The following SNIP1 variants were observed in gnomAD, a reference collection of about 807,000 sequenced individuals.
SNIP1 encodes the protein Smad nuclear interacting protein 1, also known as smad nuclear-interacting protein 1.
Under a neutral mutation model 37.4 loss-of-function variants are expected in SNIP1, and 23 were observed. That is an observed-to-expected ratio of 0.61 (90% CI 0.44 to 0.87). SNIP1 has a LOEUF of 0.87. SNIP1 is among the 40% of genes least tolerant of loss of function. SNIP1 has a pLI of 0.00. For missense variants in SNIP1, 459 were observed against 540.4 expected (o/e 0.85, Z 1.49); for synonymous variants, 174 against 200.0 (o/e 0.87, Z 1.10).
intron 2 of SNIP1, among the ~76,000 whole-genome samples, chr1:37,551,391 T>A (rs981977383): frequency 1.3e-5 from 2 of 152,002 alleles, no homozygotes; most frequent in Non-Finnish European, 2.9e-5. Context: ...GGAAACCGGA[T>A]CATTCATACA....
Position 37,540,931 on chromosome 1 carries a change from G to T in SNIP1, c.328-176C>A. 1 of 593,090 alleles carries T rather than the reference G, an allele frequency of 1.7e-6. No homozygotes were observed. Among genetic ancestry groups the T allele is most frequent in the Non-Finnish European group, 2.9e-6 (1 of 346,068 alleles). The allele number at this position is 593,090 out of a possible 1,614,324, so 36.7% of individuals were successfully genotyped here. A position where few individuals can be genotyped will look rare whatever the true frequency, so the allele number is the denominator to read the frequency against. On this transcript the variant is annotated intron_variant, in intron 2 of 3. Coordinates refer to ENST00000296215, the MANE Select transcript of SNIP1 (RefSeq NM_024700.4). This position sits in a 1 kb window ranked among gnomAD's most constrained non-coding sequence, Gnocchi z 5.6. ...TCTGGTGGTTATGTTCCCTCGCAAG[G>T]CCACAAAGATGATATCCCATGCTGC...
chr1:37,538,034 C>G, intron 3 of SNIP1, 22 bp from the exon 4 acceptor site: 1 of 1,564,598 alleles, frequency 6.4e-7, no homozygotes, highest in African/African-American at 1.4e-5. Context: ...AAAGGAGAAA[C>G]CTGTGAGCAA....
intron 2 of SNIP1, chr1:37,544,640 C>T (rs981695847): frequency 2.1e-6 from 1 of 481,400 alleles, no homozygotes; most frequent in Non-Finnish European, 3.9e-6. Context: ...GTACCCCACT[C>T]CGGCTGGCCG....
intron 2 of SNIP1, among the ~76,000 whole-genome samples, chr1:37,551,408 G>C (rs1643300735): frequency 6.6e-6 from 1 of 152,200 alleles, no homozygotes. Flanking sequence ...TACATTGCTG[G>C]TGGGAATATA....
At position 37,540,982 on chromosome 1, in the gene SNIP1, A is replaced by C; in HGVS notation, c.328-227T>G. The C allele has an allele frequency of 2.2e-6, 1 of 459,110 alleles. No homozygotes were observed. The highest frequency in any genetic ancestry group is 4.9e-5 in the South Asian group (1 of 20,568). 28.4% of individuals were successfully genotyped at this position (459,110 alleles called of 1,614,324 possible). A position where few individuals can be genotyped will look rare whatever the true frequency, so the allele number is the denominator to read the frequency against. ...TATTCAACTATAGCCCTAATAGCAC[A>C]AGTCCAGGTCCACAGCCCTAAAAAC... On this transcript the variant is annotated intron_variant, in intron 2 of 3. Transcript: ENST00000296215. This position sits in a 1 kb window ranked among gnomAD's most constrained non-coding sequence, Gnocchi z 5.6.
rs377334557 is a variant in SNIP1, at chr1:37,550,049, A to AAAAAC, written c.327+2591_327+2595dup. On this transcript the variant is annotated intron_variant, in intron 2 of 3. Transcript: ENST00000296215. ...GTGGACATTCATAGGCAAAAAAAAC[A>AAAAAC]AAAACAAAACAAAACAAAACAAAAC... Among the ~76,000 whole-genome samples the AAAAAC allele has an allele frequency of 4.7e-3, 713 of 152,128 alleles. 4 individuals are homozygous for AAAAAC. Among genetic ancestry groups the AAAAAC allele is most frequent in the Non-Finnish European group, 6.2e-3 (422 of 67,978 alleles).
intron 2 of SNIP1, 57 bp downstream of exon 2, chr1:37,552,588 G>A: frequency 2.2e-6 from 3 of 1,362,724 alleles, no homozygotes; most frequent in Non-Finnish European, 3.2e-6. Context: ...TTCCTCTTTA[G>A]CTGTGATAGG....
chr1:37,554,039 C>A lies in SNIP1; in HGVS notation c.191G>T (p.Gly64Val). 6.3e-7 allele frequency: 1 copy of A among 1,581,266 alleles called. No individual in the cohort carries two copies. The highest frequency in any genetic ancestry group is 8.6e-7 in the Non-Finnish European group (1 of 1,164,164). ...TCCTCGGGCTCGGTTCCCGCGGTGG[C>A]CCGAGCGGGCCGGCTCGCTGGTCGG... ...SPPTSEPARSGHRGNRARGVS... is the reference protein window; with the variant it reads ...SPPTSEPARSVHRGNRARGVS... Residue 64 changes from glycine (G) to valine (V), a missense_variant, in exon 1 of 4, where the codon GGC becomes GTC. Coordinates refer to ENST00000296215, the MANE Select transcript of SNIP1 (RefSeq NM_024700.4).
Position 37,554,259 on chromosome 1 carries a change from A to C in SNIP1, c.-30T>G. 2 of 1,568,468 alleles carry C rather than the reference A, an allele frequency of 1.3e-6. No individual in the cohort carries two copies. The highest frequency in any genetic ancestry group is 2.4e-5 in the South Asian group (2 of 84,022). ...TGATTTTGGCTGGGCGAAAGAAAAC[A>C]GATCAGTTGAGCTCCTCTAGCTGGA... On this transcript the variant is annotated 5_prime_UTR_variant, in exon 1 of 4. Coordinates refer to ENST00000296215, the MANE Select transcript of SNIP1 (RefSeq NM_024700.4).
chr1:37,542,918 G>C (rs1643191003), intron 2 of SNIP1, among the ~76,000 whole-genome samples: 1 of 152,018 alleles, frequency 6.6e-6, no homozygotes, highest in South Asian at 2.1e-4. Flanking sequence ...AAATTAGCCA[G>C]GCACGACAGC....
chr1:37,539,851 C>A (rs898834959), intron 3 of SNIP1, among the ~76,000 whole-genome samples: 1 of 152,014 alleles, frequency 6.6e-6, no homozygotes, highest in Non-Finnish European at 1.5e-5. Context: ...CTCAGGAGGC[C>A]GAGGCAGGAG....
In SNIP1 at chr1:37,536,580, A is replaced by G. The variant is rs1446071378; in HGVS notation, c.*1168T>C. 6.6e-6 allele frequency: 1 copy of G among 152,526 alleles called. No individual in the cohort carries two copies. The highest frequency in any genetic ancestry group is 1.9e-4 in the East Asian group (1 of 5,200). 9.4% of individuals were successfully genotyped at this position (152,526 alleles called of 1,614,324 possible). ...TTATTTTTTTATCCCAAAAATACATATAAATGAAAACCTGCTCTTCAAATG... is the reference window on the plus strand; with the variant it reads ...TTATTTTTTTATCCCAAAAATACATGTAAATGAAAACCTGCTCTTCAAATG... On this transcript the variant is annotated 3_prime_UTR_variant, in exon 4 of 4. Coordinates refer to ENST00000296215, the MANE Select transcript of SNIP1 (RefSeq NM_024700.4).
At chr1:37,538,049 C>T (rs1248487316) in intron 3 of SNIP1, 37 bp from the exon 4 acceptor site, 1 of 1,551,448 alleles carries the variant, frequency 6.4e-7, no homozygotes, top group Non-Finnish European at 8.7e-7. Flanking sequence ...GAGCAAACTT[C>T]TGCCTCAGAT....
chr1:37,546,886 C>A (rs1643245341), intron 2 of SNIP1, among the ~76,000 whole-genome samples: 1 of 152,160 alleles, frequency 6.6e-6, no homozygotes, highest in African/African-American at 2.4e-5. Flanking sequence ...CAGCATCTAA[C>A]AGAGTTAATC....
chr1:37,546,538 G>A (rs1212019524), intron 2 of SNIP1, among the ~76,000 whole-genome samples: 1 of 152,084 alleles, frequency 6.6e-6, no homozygotes, highest in Non-Finnish European at 1.5e-5. Context: ...GCTGGATGTG[G>A]TGGCACGTGC....
At chr1:37,545,634 C>T (rs1643226186) in intron 2 of SNIP1, among the ~76,000 whole-genome samples, 1 of 151,852 alleles carries the variant, frequency 6.6e-6, no homozygotes, top group South Asian at 2.1e-4. Flanking sequence ...AGCATGGCCC[C>T]TAATTTAAAA....
Position 37,540,900 on chromosome 1 carries a change from AT to A in SNIP1, c.328-146del. On this transcript the variant is annotated intron_variant, in intron 2 of 3. Coordinates refer to ENST00000296215, the MANE Select transcript of SNIP1 (RefSeq NM_024700.4). This position sits in a 1 kb window ranked among gnomAD's most constrained non-coding sequence, Gnocchi z 5.6. Reference sequence around the variant, plus strand: ...GAACAACATTTCCCACAGAAATAAGATTATGTCTGGTGGTTATGTTCCCTCG... The same window carrying A: ...GAACAACATTTCCCACAGAAATAAGATATGTCTGGTGGTTATGTTCCCTCG... 1 of 730,152 alleles carries A rather than the reference AT, an allele frequency of 1.4e-6. No homozygotes were observed. Among genetic ancestry groups the A allele is most frequent in the Non-Finnish European group, 2.2e-6 (1 of 457,036 alleles). 45.2% of individuals were successfully genotyped at this position (730,152 alleles called of 1,614,324 possible).
At chr1:37,545,908 G>A (rs934704637) in intron 2 of SNIP1, among the ~76,000 whole-genome samples, 1 of 152,162 alleles carries the variant, frequency 6.6e-6, no homozygotes, top group African/African-American at 2.4e-5. Context: ...TGGCAAAGAT[G>A]TGGAAAAATC....
chr1:37,539,526 A>C (rs1339251385), intron 3 of SNIP1, among the ~76,000 whole-genome samples: 1 of 152,200 alleles, frequency 6.6e-6, no homozygotes, highest in African/African-American at 2.4e-5. Context: ...CCTGGCCAAT[A>C]CAATGAAACC....
Sources: gnomAD v4.1 joint callset for allele counts (sites outside exome capture counted in the v4.1 genomes callset) on GRCh38, gnomAD v4.1.1 for gene constraint, Gnocchi (gnomAD v3.1) non-coding constraint, MANE v1.5 for transcripts, NCBI Gene and HGNC (gene_info 2026-07-23, HGNC 2026-07-21) for gene names.